Variants in ATAD2 observed in about 807,000 individuals in gnomAD.
The protein encoded by ATAD2 is ATPase family AAA domain-containing protein 2.
Under a neutral mutation model 168.9 loss-of-function variants are expected in ATAD2, and 62 were observed. That is an observed-to-expected ratio of 0.37 (90% CI 0.30 to 0.45). ATAD2 has a LOEUF of 0.45. Among genes scored for constraint, ATAD2 ranks in the 20% least tolerant of loss-of-function variants. The probability of loss-of-function intolerance (pLI) is 1.00; values close to 1 mark genes in which losing one functional copy is unlikely to be tolerated. For missense variants in ATAD2, 1,419 were observed against 1,667.8 expected, an observed-to-expected ratio of 0.85 and a Z score of 2.60; for synonymous variants, 613 against 571.6, an observed-to-expected ratio of 1.07 and a Z score of -1.03.
chr8:123,377,090 T>TAAAAAAAAAAAAAAAAAAAAAAAAA (rs1297063054), intron 2 of ATAD2, among the ~76,000 whole-genome samples: 1 of 622 alleles, frequency 1.6e-3, no homozygotes, highest in African/African-American at 4.3e-3. Flanking sequence ...AGACTCCGTC[T>TAAAAAAAAAAAAAAAAAAAAAAAAA]CAAAAAAAAA....
At chr8:123,377,367 C>T (rs1017988474) in intron 2 of ATAD2, among the ~76,000 whole-genome samples, 21 of 151,966 alleles carry the variant, frequency 1.4e-4, no homozygotes, top group African/African-American at 3.4e-4. Context: ...AAATCCAGAT[C>T]GAAAGCATTT....
At chr8:123,346,875 T>C in intron 16 of ATAD2, 125 bp from the exon 17 acceptor site, 1 of 1,162,420 alleles carries the variant, frequency 8.6e-7, no homozygotes, top group Non-Finnish European at 1.2e-6. Flanking sequence ...TTTGTGTAGA[T>C]ATGAATTAAT....
chr8:123,345,358 T>A (rs1198281108), intron 18 of ATAD2, among the ~76,000 whole-genome samples: 1 of 152,164 alleles, frequency 6.6e-6, no homozygotes, highest in African/African-American at 2.4e-5. Context: ...AAAATATTTT[T>A]ATGTTTTAAA....
At chr8:123,346,421 A>G (rs1828245095) in intron 17 of ATAD2, 149 bp from the exon 18 acceptor site, 1 of 997,750 alleles carries the variant, frequency 1.0e-6, no homozygotes, top group Non-Finnish European at 1.4e-6. Flanking sequence ...CTGGAAACTG[A>G]CCCCCAAAGG....
chr8:123,401,037 G>C, upstream of ATAD2: 1 of 1,569,504 alleles, frequency 6.4e-7, no homozygotes. Context: ...GCAGCAAGCC[G>C]GTGGGCATCG....
At chr8:123,373,987 GTTAAC>G (rs1307019646) in intron 2 of ATAD2, among the ~76,000 whole-genome samples, 5 of 152,084 alleles carry the variant, frequency 3.3e-5, no homozygotes, top group Admixed American at 2.6e-4. Context: ...TCCCTGATGA[GTTAAC>G]TTATATATTC....
intron 1 of ATAD2, among the ~76,000 whole-genome samples, chr8:123,389,107 C>T (rs908363418): frequency 1.3e-5 from 2 of 149,500 alleles, no homozygotes; most frequent in African/African-American, 4.9e-5. Context: ...GCTGGGATTA[C>T]AGGAGCCTGC....
At chr8:123,347,443 G>A (rs1000890730) in intron 15 of ATAD2, 37 bp from the exon 16 acceptor site, 17 of 1,513,868 alleles carry the variant, frequency 1.1e-5, no homozygotes, top group South Asian at 1.3e-5. Flanking sequence ...AGAACCAGCC[G>A]ACCAAACAAA....
chr8:123,359,494 A>G (rs933067003), intron 10 of ATAD2, 83 bp downstream of exon 10: 26 of 1,372,316 alleles, frequency 1.9e-5, no homozygotes, highest in Middle Eastern at 3.6e-4. Context: ...TAAAAAGAAA[A>G]ATCATTGGTT....
chr8:123,373,562 G>A (rs1829213816), intron 2 of ATAD2, among the ~76,000 whole-genome samples: 1 of 151,828 alleles, frequency 6.6e-6, no homozygotes, highest in African/African-American at 2.4e-5. Flanking sequence ...GTTGAGACGG[G>A]TGGATCATGA....
intron 23 of ATAD2, 65 bp from the exon 24 acceptor site, chr8:123,334,086 CTA>C (rs1362960886): frequency 6.4e-7 from 1 of 1,573,760 alleles, no homozygotes; most frequent in African/African-American, 1.4e-5. Flanking sequence ...GAAGGATTAA[CTA>C]AAAGTACAAA....
Position 123,360,558 on chromosome 8 carries a change from G to C in ATAD2, c.1158-873C>G, listed in dbSNP as rs192142418. ...GGGTTTCACCATGCTGGACAGGCTGGAAGTTCCCTAACTACTTTCAAAAAT... is the reference window on the plus strand; with the variant it reads ...GGGTTTCACCATGCTGGACAGGCTGCAAGTTCCCTAACTACTTTCAAAAAT... On this transcript the variant is annotated intron_variant, in intron 9 of 27. Transcript: ENST00000287394. Among the ~76,000 whole-genome samples, 153 of 152,258 alleles carry C rather than the reference G, an allele frequency of 1.0e-3. 1 individual carries two copies. The highest frequency in any genetic ancestry group is 2.7e-3 in the Admixed American group (42 of 15,280).
At chr8:123,348,801 A>T (rs994810996) in intron 14 of ATAD2, among the ~76,000 whole-genome samples, 2 of 152,228 alleles carry the variant, frequency 1.3e-5, no homozygotes, top group African/African-American at 2.4e-5. Context: ...TTATAGCACT[A>T]AAGTTATATT....
chr8:123,340,043 CCA>C (rs1033865577), intron 19 of ATAD2, among the ~76,000 whole-genome samples: 11 of 152,046 alleles, frequency 7.2e-5, no homozygotes, highest in African/African-American at 2.2e-4. Flanking sequence ...GCACGCACCA[CCA>C]CACTCAGCTA....
chr8:123,393,123 T>C (rs916349265), intron 1 of ATAD2, among the ~76,000 whole-genome samples: 1 of 148,710 alleles, frequency 6.7e-6, no homozygotes, highest in South Asian at 2.1e-4. Context: ...AGGTGGAGCT[T>C]GCAGTGAGCC....
intron 22 of ATAD2, 89 bp from the exon 23 acceptor site, chr8:123,334,411 G>A: frequency 8.3e-7 from 1 of 1,205,550 alleles, no homozygotes; most frequent in Non-Finnish European, 1.1e-6. Context: ...TAAGATAGTA[G>A]CTCTTACAAT....
In ATAD2 at chr8:123,322,966, T is replaced by C. The variant is rs1226058859; in HGVS notation, c.4103A>G (p.Lys1368Arg). ...VISQCIYRHR[K>R]DHDKTSLIQK... ...AATAAGTGATGTTTTATCATGGTCC[T>C]TGCGATGCCGATAAATACATTGGCT... Residue 1368 changes from lysine (K) to arginine (R), a missense_variant, in exon 27 of 28, where the codon AAG becomes AGG. Physicochemically the swap from Lys to Arg is conservative, Grantham distance 26. Transcript: ENST00000287394. 1 of 1,613,962 alleles carries C rather than the reference T, an allele frequency of 6.2e-7. No individual in the cohort carries two copies. The highest frequency in any genetic ancestry group is 8.5e-7 in the Non-Finnish European group (1 of 1,179,922).
At chr8:123,348,635 C>G (rs1165918814) in intron 14 of ATAD2, among the ~76,000 whole-genome samples, 1 of 152,138 alleles carries the variant, frequency 6.6e-6, no homozygotes, top group Non-Finnish European at 1.5e-5. Flanking sequence ...TGAGATTGTG[C>G]CACTGCACCC....
intron 1 of ATAD2, among the ~76,000 whole-genome samples, chr8:123,394,334 G>A (rs1461324607): frequency 1.3e-5 from 2 of 152,086 alleles, no homozygotes; most frequent in African/African-American, 2.4e-5. Context: ...GTTTTCTTAA[G>A]AGTCTATGTA....
Sources: allele counts gnomAD v4.1 joint callset (sites outside exome capture counted in the v4.1 genomes callset), GRCh38; gene constraint gnomAD v4.1.1; transcripts MANE v1.5; gene names NCBI Gene and HGNC (gene_info 2026-07-23, HGNC 2026-07-21).